Variants in STIMATE observed in about 807,000 individuals in gnomAD.
STIMATE encodes STIM activating enhancer.
A neutral mutation model predicts 36.7 loss-of-function variants in STIMATE; 15 were observed. The ratio of observed to expected loss-of-function variants is 0.41; its 90% CI spans 0.27 to 0.63. The LOEUF (loss-of-function observed/expected upper bound fraction) is 0.63. STIMATE is among the 20% of genes least tolerant of loss of function. STIMATE has a pLI of 0.32. For missense variants in STIMATE, 305 were observed against 397.3 expected (o/e 0.77, Z 1.98); for synonymous variants, 163 against 162.3 (o/e 1.00, Z -0.03).
intron 1 of STIMATE, among the ~76,000 whole-genome samples, chr3:52,863,272 G>C (rs1411639491): frequency 6.6e-6 from 1 of 152,166 alleles, no homozygotes; most frequent in African/African-American, 2.4e-5. Context: ...ACATGGCTGG[G>C]GAGGCCTCAG....
chr3:52,845,940 G>GCA (rs1700890304), intron 4 of STIMATE, among the ~76,000 whole-genome samples: 1 of 4,836 alleles, frequency 2.1e-4, no homozygotes, highest in Non-Finnish European at 1.3e-3. Flanking sequence ...GGGGGTGGCG[G>GCA]GGGGGCGGGA....
At chr3:52,864,123 G>A (rs1476662848) in intron 1 of STIMATE, among the ~76,000 whole-genome samples, 1 of 152,346 alleles carries the variant, frequency 6.6e-6, no homozygotes, top group South Asian at 2.1e-4. Context: ...CCGTGTGGGG[G>A]CTCCGACCTC....
At chr3:52,876,655 G>A (rs1323150331) in intron 1 of STIMATE, among the ~76,000 whole-genome samples, 1 of 152,158 alleles carries the variant, frequency 6.6e-6, no homozygotes, top group Admixed American at 6.5e-5. Flanking sequence ...TTAATGAATA[G>A]CAGATACATT....
intron 4 of STIMATE, chr3:52,848,647 G>A (rs1272597396): frequency 2.0e-5 from 3 of 152,286 alleles, no homozygotes; most frequent in East Asian, 3.8e-4. Context: ...GGCTCCCATA[G>A]CCATGCACTG....
chr3:52,842,176 C>T lies in STIMATE; in HGVS notation c.768+635G>A, dbSNP rs185182325. Among the ~76,000 whole-genome samples the T allele has an allele frequency of 2.4e-3, 366 of 152,374 alleles. 1 individual carries two copies. The highest frequency in any genetic ancestry group is 7.8e-3 in the African/African-American group (324 of 41,598). ...TCAGCTTTTCTGCAGCTCCCACCTGCACACTTCCTAGGCCTCCCATGCCTC... is the reference window on the plus strand; with the variant it reads ...TCAGCTTTTCTGCAGCTCCCACCTGTACACTTCCTAGGCCTCCCATGCCTC... On this transcript the variant is annotated intron_variant, in intron 7 of 7. Transcript: ENST00000355083.
At chr3:52,879,813 G>A (rs1003342716) in intron 1 of STIMATE, among the ~76,000 whole-genome samples, 1 of 152,180 alleles carries the variant, frequency 6.6e-6, no homozygotes, top group African/African-American at 2.4e-5. Flanking sequence ...CCCAAGGCAT[G>A]AGGCTGGCAG....
chr3:52,885,468 G>A (rs1701674462), intron 1 of STIMATE, among the ~76,000 whole-genome samples: 1 of 152,112 alleles, frequency 6.6e-6, no homozygotes, highest in Non-Finnish European at 1.5e-5. Flanking sequence ...CTCTTTTGAG[G>A]GGTCTATGGA....
At position 52,897,273 on chromosome 3, in the gene STIMATE, G is replaced by T. The variant is rs550616631; in HGVS notation, c.160+18C>A. The T allele has an allele frequency of 1.6e-5, 25 of 1,535,078 alleles. No individual in the cohort carries two copies. The highest frequency in any genetic ancestry group is 3.4e-4 in the Middle Eastern group (2 of 5,910). On this transcript the variant is annotated intron_variant, in intron 1 of 7. Coordinates refer to ENST00000355083, the MANE Select transcript of STIMATE (RefSeq NM_198563.5). The stretch of plus-strand genomic sequence containing the variant: ...TGCCGCGCAGGGCCTCCGGAGGGTC[G>T]GGGGGTCCCAGACTCACGCATTAAC...
At chr3:52,867,782 A>G (rs1250195033) in intron 1 of STIMATE, among the ~76,000 whole-genome samples, 1 of 152,068 alleles carries the variant, frequency 6.6e-6, no homozygotes, top group Non-Finnish European at 1.5e-5. Context: ...TGAGTGTCCA[A>G]CCCCCTCCAG....
intron 4 of STIMATE, among the ~76,000 whole-genome samples, chr3:52,845,191 G>T (rs1700872753): frequency 6.6e-6 from 1 of 152,192 alleles, no homozygotes; most frequent in Non-Finnish European, 1.5e-5. Context: ...TCTAAGATAG[G>T]ATTAAAAAGC....
chr3:52,849,705 T>A (rs1700965150), intron 4 of STIMATE, 87 bp downstream of exon 4: 2 of 1,516,594 alleles, frequency 1.3e-6, no homozygotes, highest in African/African-American at 2.7e-5. Flanking sequence ...CATTTCTGGA[T>A]CTGTTTGCCT....
In STIMATE at chr3:52,852,684, G is replaced by A. The variant is rs375035067; in HGVS notation, c.224C>T (p.Ser75Phe). The stretch of plus-strand genomic sequence containing the variant: ...GAACAGCATTCCTATGGCTTGTTTG[G>A]AAGTGTCTAAAAACCTGTACAAAAT... ...RPWRIWFLDT[S>F]KQAIGMLFIH... The change falls in exon 3 of 8, where the codon TCC becomes TTC. Residue 75 changes from serine (S) to phenylalanine (F), a missense_variant. Transcript: ENST00000355083. 6.2e-7 allele frequency: 1 copy of A among 1,614,044 alleles called. No individual in the cohort carries two copies. The highest frequency in any genetic ancestry group is 8.5e-7 in the Non-Finnish European group (1 of 1,179,994).
intron 2 of STIMATE, among the ~76,000 whole-genome samples, chr3:52,854,153 C>T (rs1701053645): frequency 6.6e-6 from 1 of 152,200 alleles, no homozygotes; most frequent in East Asian, 1.9e-4. Flanking sequence ...TCCTGAGTAA[C>T]ACAGGTGCTA....
At position 52,836,928 on chromosome 3, in the gene STIMATE, C is replaced by G. The variant is rs1700713454; in HGVS notation, c.*3566G>C. The G allele has an allele frequency of 5.6e-6, 1 of 178,130 alleles. No individual in the cohort carries two copies. Among genetic ancestry groups the G allele is most frequent in the Admixed American group, 6.0e-5 (1 of 16,800 alleles). The allele number at this position is 178,130 out of a possible 1,614,324, so 11.0% of individuals were successfully genotyped here. On this transcript the variant is annotated 3_prime_UTR_variant, in exon 8 of 8. Coordinates refer to ENST00000355083, the MANE Select transcript of STIMATE (RefSeq NM_198563.5). ...CATAGGTCTGACTTCTAACAAACTT[C>G]AGGAAAAGAAAAATCAAATTTAAAA...
chr3:52,880,137 G>A (rs538340803), intron 1 of STIMATE, among the ~76,000 whole-genome samples: 6 of 152,326 alleles, frequency 3.9e-5, no homozygotes, highest in Admixed American at 3.9e-4. Flanking sequence ...TAGTTCATGA[G>A]ATCCTAGATA....
intron 4 of STIMATE, among the ~76,000 whole-genome samples, chr3:52,848,918 GACAA>G (rs1176310229): frequency 6.6e-6 from 1 of 152,212 alleles, no homozygotes; most frequent in Admixed American, 6.5e-5. Flanking sequence ...CCTCAACGGA[GACAA>G]ACAATTACTT....
chr3:52,852,457 G>C, intron 3 of STIMATE, 146 bp downstream of exon 3: 1 of 951,534 alleles, frequency 1.1e-6, no homozygotes, highest in Non-Finnish European at 1.6e-6. Flanking sequence ...AGCATGTACA[G>C]GATGGTCTCT....
chr3:52,844,689 C>T (rs1160965945), intron 5 of STIMATE, 140 bp downstream of exon 5: 4 of 868,994 alleles, frequency 4.6e-6, no homozygotes, highest in Non-Finnish European at 7.0e-6. Flanking sequence ...GGAGTAGTTG[C>T]CACATCAGAC....
chr3:52,892,111 T>C (rs1701792773), intron 1 of STIMATE, among the ~76,000 whole-genome samples: 1 of 152,180 alleles, frequency 6.6e-6, no homozygotes, highest in South Asian at 2.1e-4. Flanking sequence ...CAACAAATCT[T>C]CATGTTTGTG....
Sources: allele counts gnomAD v4.1 joint callset (sites outside exome capture counted in the v4.1 genomes callset), GRCh38; gene constraint gnomAD v4.1.1; transcripts MANE v1.5; gene names NCBI Gene and HGNC (gene_info 2026-07-23, HGNC 2026-07-21).